EPHA6: variants seen among roughly 807,000 people sequenced by gnomAD.
EPHA6 encodes EPH receptor A6.
Under a neutral mutation model 112.0 loss-of-function variants are expected in EPHA6, and 50 were observed. The observed-to-expected ratio is 0.45, with a 90% confidence interval of 0.36 to 0.56. The LOEUF is 0.56. Ranked by LOEUF, EPHA6 falls within the 20% of genes least tolerant of loss-of-function variation. The pLI is 0.00. For missense variants in EPHA6, 1,280 were observed against 1,417.4 expected, an observed-to-expected ratio of 0.90 and a Z score of 1.56; for synonymous variants, 529 against 490.7, an observed-to-expected ratio of 1.08 and a Z score of -1.03.
chr3:97,424,026 T>A (rs2088891707), intron 6 of EPHA6, among the ~76,000 whole-genome samples: 1 of 152,148 alleles, frequency 6.6e-6, no homozygotes, highest in African/African-American at 2.4e-5. Context: ...TGAGACTGGG[T>A]AATTTATAAA....
chr3:97,637,356 A>T (rs866569534), intron 13 of EPHA6, among the ~76,000 whole-genome samples: 1 of 151,522 alleles, frequency 6.6e-6, no homozygotes, highest in Non-Finnish European at 1.5e-5. Flanking sequence ...GCTTTCCTAT[A>T]CTTGTTTCTT....
intron 2 of EPHA6, among the ~76,000 whole-genome samples, chr3:96,984,325 C>CG (rs1421896781): frequency 1.3e-5 from 2 of 152,270 alleles, no homozygotes; most frequent in African/African-American, 4.8e-5. Context: ...CCACTCCAGA[C>CG]CCTGTTTGCC....
intron 2 of EPHA6, among the ~76,000 whole-genome samples, chr3:96,897,002 T>C (rs918383359): frequency 3.3e-5 from 5 of 152,158 alleles, no homozygotes; most frequent in Non-Finnish European, 7.4e-5. Context: ...TTGGTGTTAT[T>C]GTAATAAAAA....
chr3:97,560,918 C>G (rs2093180656), intron 11 of EPHA6, among the ~76,000 whole-genome samples: 1 of 151,934 alleles, frequency 6.6e-6, no homozygotes, highest in East Asian at 1.9e-4. Flanking sequence ...TTTGGTAATT[C>G]TGGCAATATT....
chr3:97,244,988 C>T (rs1316937599), intron 5 of EPHA6, among the ~76,000 whole-genome samples: 1 of 151,952 alleles, frequency 6.6e-6, no homozygotes, highest in African/African-American at 2.4e-5. Context: ...ACAAGAAAAG[C>T]TTCAGAGATT....
chr3:96,816,290 G>T (rs1465532305), intron 1 of EPHA6, among the ~76,000 whole-genome samples: 3 of 152,146 alleles, frequency 2.0e-5, no homozygotes, highest in Non-Finnish European at 4.4e-5. Context: ...AATCACAAAT[G>T]TGTAGGTGAA....
At chr3:97,715,103 G>T (rs1675453407) in intron 14 of EPHA6, among the ~76,000 whole-genome samples, 1 of 152,278 alleles carries the variant, frequency 6.6e-6, no homozygotes, top group Admixed American at 6.5e-5. Context: ...TATTGGCCAG[G>T]GATGTAACCT....
intron 10 of EPHA6, among the ~76,000 whole-genome samples, chr3:97,486,016 T>G (rs1322604824): frequency 6.6e-6 from 1 of 152,254 alleles, no homozygotes; most frequent in Non-Finnish European, 1.5e-5. Flanking sequence ...ATGTTTCTTT[T>G]ATTTTTAGAT....
intron 2 of EPHA6, among the ~76,000 whole-genome samples, chr3:96,929,163 G>C (rs1559839908): frequency 6.6e-6 from 1 of 152,130 alleles, no homozygotes; most frequent in East Asian, 1.9e-4. Flanking sequence ...AGCTCAAGTG[G>C]TTAGAGTTTA....
At chr3:97,025,713 C>G (rs1438279990) in intron 3 of EPHA6, among the ~76,000 whole-genome samples, 2 of 152,104 alleles carry the variant, frequency 1.3e-5, no homozygotes, top group African/African-American at 4.8e-5. Flanking sequence ...CTCAGCCTCC[C>G]GAGTAGCTGG....
intron 5 of EPHA6, among the ~76,000 whole-genome samples, chr3:97,318,581 A>G (rs2081954792): frequency 1.3e-5 from 2 of 152,018 alleles, no homozygotes; most frequent in African/African-American, 2.4e-5. Flanking sequence ...TATATTTTTC[A>G]GTTACTACCT....
At chr3:97,115,135 C>G (rs1909832) in intron 3 of EPHA6, among the ~76,000 whole-genome samples, 30 of 151,988 alleles carry the variant, frequency 2.0e-4, no homozygotes, top group African/African-American at 6.7e-4. Context: ...TAATTTTAGT[C>G]TGTATTTAAT....
At chr3:97,298,748 A>G (rs1052649027) in intron 5 of EPHA6, among the ~76,000 whole-genome samples, 51 of 152,122 alleles carry the variant, frequency 3.4e-4, no homozygotes, top group African/African-American at 1.2e-3. Context: ...ATTCACACAC[A>G]TATATATTGA....
At chr3:97,412,347 A>G (rs1274142069) in intron 6 of EPHA6, among the ~76,000 whole-genome samples, 1 of 151,950 alleles carries the variant, frequency 6.6e-6, no homozygotes, top group East Asian at 1.9e-4. Flanking sequence ...CCCAAGTTAC[A>G]CCTTTAAATT....
rs1441244319 is a variant in EPHA6, at chr3:97,689,176, T to C, written c.2785-31085T>C. Reference sequence around the variant, plus strand: ...TACCATCTGCACCTAAGGAAATATGTGAAGTCATATGGAAGTTCACAGAAT... The same window carrying C: ...TACCATCTGCACCTAAGGAAATATGCGAAGTCATATGGAAGTTCACAGAAT... On this transcript the variant is annotated intron_variant, in intron 14 of 17. Coordinates refer to ENST00000389672, the MANE Select transcript of EPHA6 (RefSeq NM_001080448.3). Among the ~76,000 whole-genome samples the C allele has an allele frequency of 2.0e-5, 3 of 152,218 alleles. No homozygotes were observed. The East Asian group carries it at 5.8e-4, about 29-fold the overall frequency.
Position 97,381,711 on chromosome 3 carries a change from C to T in EPHA6, c.1607-23439C>T, listed in dbSNP as rs143962357. Among the ~76,000 whole-genome samples, 40 of 152,204 alleles carry T rather than the reference C, an allele frequency of 2.6e-4. 1 individual carries two copies. The East Asian group carries it at 7.7e-3, about 29-fold the overall frequency. ...GTTTTGCTAATGTGTACATCATATA[C>T]AAATGCAACATTTTGTCATGACTTA... On this transcript the variant is annotated intron_variant, in intron 5 of 17. Coordinates refer to ENST00000389672, the MANE Select transcript of EPHA6 (RefSeq NM_001080448.3).
At chr3:97,026,851 T>C (rs1376635423) in intron 3 of EPHA6, among the ~76,000 whole-genome samples, 1 of 152,170 alleles carries the variant, frequency 6.6e-6, no homozygotes, top group Non-Finnish European at 1.5e-5. Flanking sequence ...GAGTGTAAAT[T>C]AGTTCATCCA....
chr3:97,474,254 C>T (rs1429403339), intron 7 of EPHA6, among the ~76,000 whole-genome samples: 1 of 151,800 alleles, frequency 6.6e-6, no homozygotes, highest in Admixed American at 6.6e-5. Flanking sequence ...GTTTGCTTCT[C>T]AGTTATATAC....
At chr3:97,175,552 T>C (rs554010297) in intron 3 of EPHA6, among the ~76,000 whole-genome samples, 1 of 152,070 alleles carries the variant, frequency 6.6e-6, no homozygotes, top group Non-Finnish European at 1.5e-5. Flanking sequence ...TTTTTTGTTG[T>C]AATCTTCATT....
Sources: allele counts gnomAD v4.1 joint callset (sites outside exome capture counted in the v4.1 genomes callset), GRCh38; gene constraint gnomAD v4.1.1; transcripts MANE v1.5; gene names NCBI Gene and HGNC (gene_info 2026-07-23, HGNC 2026-07-21).